LEPR: variants seen among roughly 807,000 people sequenced by gnomAD.
LEPR encodes leptin receptor.
A neutral mutation model predicts 114.7 loss-of-function variants in LEPR; 56 were observed. The observed-to-expected ratio is 0.49, with a 90% confidence interval of 0.39 to 0.61. The LOEUF is 0.61. LEPR is among the 20% of genes least tolerant of loss of function. The pLI is 0.00. For missense variants in LEPR, 1,202 were observed against 1,352.9 expected (o/e 0.89, Z 1.75); for synonymous variants, 443 against 461.4 (o/e 0.96, Z 0.51).
chr1:65,572,406 C>G lies in LEPR; in HGVS notation c.451C>G (p.Leu151Val), dbSNP rs536696807. Residue 151 changes from leucine to valine, a missense_variant, in exon 5 of 20, where the codon CTA becomes GTA. Leu to Val is a conservative substitution (Grantham distance 32, BLOSUM62 1). Transcript: ENST00000349533. ...TTATGTGGAGTCATTATTTAAGAATCTATTCAGGAATTATAACTATAAGGT... is the reference window on the plus strand; with the variant it reads ...TTATGTGGAGTCATTATTTAAGAATGTATTCAGGAATTATAACTATAAGGT... ...ICYVESLFKN[L>V]FRNYNYKVHL... The G allele has an allele frequency of 6.7e-7, 1 of 1,485,300 alleles. No homozygotes were observed. Among genetic ancestry groups the G allele is most frequent in the South Asian group, 1.1e-5 (1 of 87,908 alleles). The allele number at this position is 1,485,300 out of a possible 1,614,324, so 92.0% of individuals were successfully genotyped here.
intron 2 of LEPR, among the ~76,000 whole-genome samples, chr1:65,460,256 C>G (rs1169458203): frequency 6.6e-6 from 1 of 152,138 alleles, no homozygotes; most frequent in Admixed American, 6.5e-5. Context: ...GAGAAAGTAA[C>G]TTTCCCAAAG....
At chr1:65,530,401 A>G (rs1023419329) in intron 2 of LEPR, among the ~76,000 whole-genome samples, 1 of 152,212 alleles carries the variant, frequency 6.6e-6, no homozygotes, top group Non-Finnish European at 1.5e-5. Context: ...GCAATTAGGT[A>G]GAGTAAAGTG....
At chr1:65,507,632 TA>T (rs1396201004) in intron 2 of LEPR, among the ~76,000 whole-genome samples, 1 of 151,680 alleles carries the variant, frequency 6.6e-6, no homozygotes, top group African/African-American at 2.4e-5. Context: ...CTACTGTGAA[TA>T]ATGCTGCAAT....
chr1:65,623,050 A>ATT, intron 19 of LEPR, 69 bp downstream of exon 19: 1 of 1,420,342 alleles, frequency 7.0e-7, no homozygotes, highest in Non-Finnish European at 9.8e-7. Context: ...TGACTTATAG[A>ATT]GCATTAAGCA....
intron 2 of LEPR, among the ~76,000 whole-genome samples, chr1:65,497,564 G>A (rs1215440715): frequency 6.6e-6 from 1 of 152,118 alleles, no homozygotes; most frequent in African/African-American, 2.4e-5. Context: ...GGGAAGGCAG[G>A]CTACCTCATC....
intron 2 of LEPR, among the ~76,000 whole-genome samples, chr1:65,550,090 T>C (rs1652175947): frequency 6.6e-6 from 1 of 152,210 alleles, no homozygotes; most frequent in African/African-American, 2.4e-5. Context: ...CCAGACCCTG[T>C]TTGCCTGGGT....
intron 2 of LEPR, among the ~76,000 whole-genome samples, chr1:65,456,602 C>G (rs1646879586): frequency 6.6e-6 from 1 of 152,136 alleles, no homozygotes; most frequent in Non-Finnish European, 1.5e-5. Flanking sequence ...GCTTTGAAGT[C>G]TGCTCTTAAT....
chr1:65,501,366 A>T (rs879923421), intron 2 of LEPR, among the ~76,000 whole-genome samples: 3 of 151,260 alleles, frequency 2.0e-5, no homozygotes, highest in African/African-American at 4.9e-5. Flanking sequence ...TGGCAGCATA[A>T]CTCTAATCTC....
intron 2 of LEPR, among the ~76,000 whole-genome samples, chr1:65,535,640 C>T (rs955705242): frequency 3.3e-5 from 5 of 152,122 alleles, no homozygotes; most frequent in East Asian, 1.9e-4. Context: ...TGTGGACCAT[C>T]GTGCCAGGCT....
chr1:65,558,527 TTTTTTTTTTTGTTTTTTTTTTG>T (rs1236184196), intron 2 of LEPR, among the ~76,000 whole-genome samples: 1 of 28,102 alleles, frequency 3.6e-5, no homozygotes, highest in African/African-American at 1.2e-4. Flanking sequence ...GAATCAGAAG[TTTTTTTTTTTGTTTTTTTTTTG>T]TTTTTTTTTT....
At chr1:65,584,773 G>A (rs1336091433) in intron 5 of LEPR, among the ~76,000 whole-genome samples, 1 of 152,020 alleles carries the variant, frequency 6.6e-6, no homozygotes, top group Non-Finnish European at 1.5e-5. Context: ...TCTCCCTTCA[G>A]GTGGTTATAT....
intron 3 of LEPR, among the ~76,000 whole-genome samples, chr1:65,568,076 C>T (rs1346621792): frequency 6.6e-6 from 1 of 152,158 alleles, no homozygotes; most frequent in Non-Finnish European, 1.5e-5. Context: ...ATTCCTCCCT[C>T]CTTCTTACCT....
chr1:65,574,940 A>C (rs954555084), intron 5 of LEPR, among the ~76,000 whole-genome samples: 5 of 152,114 alleles, frequency 3.3e-5, no homozygotes, highest in African/African-American at 1.2e-4. Context: ...AACAAAGGGA[A>C]ACTTGAAGAA....
chr1:65,456,786 T>G (rs1052292513), intron 2 of LEPR, among the ~76,000 whole-genome samples: 2 of 152,206 alleles, frequency 1.3e-5, no homozygotes, highest in Non-Finnish European at 2.9e-5. Flanking sequence ...ATTGGTGCAT[T>G]AGACCACTGA....
chr1:65,624,250 A>G (rs958564393), intron 19 of LEPR, among the ~76,000 whole-genome samples: 1 of 152,118 alleles, frequency 6.6e-6, no homozygotes, highest in Non-Finnish European at 1.5e-5. Context: ...GTGACATAGT[A>G]AGGTCTCAAC....
At chr1:65,573,330 T>A (rs1654343884) in intron 5 of LEPR, among the ~76,000 whole-genome samples, 1 of 152,202 alleles carries the variant, frequency 6.6e-6, no homozygotes, top group African/African-American at 2.4e-5. Flanking sequence ...GGGCATGTAG[T>A]CTGAAAGAAG....
At chr1:65,519,023 CTCTT>C (rs1489621932) in intron 2 of LEPR, among the ~76,000 whole-genome samples, 2 of 140,692 alleles carry the variant, frequency 1.4e-5, no homozygotes, top group African/African-American at 5.1e-5. Flanking sequence ...CTCTTTCTTT[CTCTT>C]TCTTCTTTTC....
intron 2 of LEPR, among the ~76,000 whole-genome samples, chr1:65,440,488 G>C (rs927022010): frequency 6.6e-6 from 1 of 152,066 alleles, no homozygotes; most frequent in African/African-American, 2.4e-5. Context: ...TGTGCGTGTG[G>C]GCGTGAACGG....
chr1:65,602,406 G>A (rs1000791858), intron 10 of LEPR, among the ~76,000 whole-genome samples: 8 of 151,938 alleles, frequency 5.3e-5, no homozygotes, highest in African/African-American at 1.7e-4. Flanking sequence ...AACTGAGTGA[G>A]ATTACTTAGG....
Sources: allele counts gnomAD v4.1 joint callset (sites outside exome capture counted in the v4.1 genomes callset), GRCh38; gene constraint gnomAD v4.1.1; transcripts MANE v1.5; gene names NCBI Gene and HGNC (gene_info 2026-07-23, HGNC 2026-07-21).